The following TRERF1 variants were observed in gnomAD, a reference collection of about 807,000 sequenced individuals.
The protein encoded by TRERF1 is transcriptional regulating factor 1, also known as transcriptional-regulating factor 1.
In TRERF1, 27 loss-of-function variants were observed where a neutral mutation model predicts 122.9. The ratio of observed to expected loss-of-function variants is 0.22; its 90% CI spans 0.16 to 0.30. TRERF1 has a LOEUF of 0.30. Ranked by LOEUF, TRERF1 falls within the 10% of genes least tolerant of loss-of-function variation. The pLI, the probability that TRERF1 is intolerant of heterozygous loss-of-function variation, is 1.00. For missense variants in TRERF1, 1,248 were observed against 1,560.3 expected (o/e 0.80, Z 3.37); for synonymous variants, 636 against 641.7 (o/e 0.99, Z 0.13).
At position 42,305,995 on chromosome 6, in the gene TRERF1, C is replaced by CTTT. The variant is rs55700516; in HGVS notation, c.-370-5249_-370-5247dup. On this transcript the variant is annotated intron_variant, in intron 3 of 17. Transcript: ENST00000372922. ...CCCATTCTCTCTCCAAATATCTCTC[C>CTTT]TTTTTTTTTTTTTTTTTTTTTTTTG... Among the ~76,000 whole-genome samples the CTTT allele has an allele frequency of 2.7e-3, 188 of 69,506 alleles. 3 individuals carry two copies. Among genetic ancestry groups the CTTT allele is most frequent in the Middle Eastern group, 0.016 (1 of 62 alleles). The allele number at this position is 69,506 out of a possible 152,430, so 45.6% of individuals were successfully genotyped here.
rs1410398816 is a variant in TRERF1, at chr6:42,275,416, A to C, written c.-258-5568T>G. On this transcript the variant is annotated intron_variant, in intron 4 of 17. Coordinates refer to ENST00000372922, the Ensembl canonical transcript of TRERF1. This position sits in a 1 kb window ranked among gnomAD's most constrained non-coding sequence, Gnocchi z 4.1. ...ACAAATAAATGCCCACTCAGAACCT[A>C]AGGTGCCACTCCACGCTCCCACAGA... Among the ~76,000 whole-genome samples the C allele has an allele frequency of 6.6e-6, 1 of 152,200 alleles. No homozygotes were observed. Among genetic ancestry groups the C allele is most frequent in the Non-Finnish European group, 1.5e-5 (1 of 68,030 alleles).
At chr6:42,430,859 G>A (rs1784388100) in intron 2 of TRERF1, among the ~76,000 whole-genome samples, 1 of 150,220 alleles carries the variant, frequency 6.7e-6, no homozygotes, top group African/African-American at 2.5e-5. Flanking sequence ...TTGTGCCACT[G>A]CACTCCAGCC....
At chr6:42,246,423 T>G (rs746915419) in intron 14 of TRERF1, 33 bp downstream of exon 14, 1 of 1,472,590 alleles carries the variant, frequency 6.8e-7, no homozygotes, top group Non-Finnish European at 9.3e-7. Context: ...CCAAATTTAA[T>G]TTCAAGGGGG....
At chr6:42,345,874 C>T (rs1196014196) in intron 3 of TRERF1, among the ~76,000 whole-genome samples, 2 of 152,230 alleles carry the variant, frequency 1.3e-5, no homozygotes, top group Non-Finnish European at 2.9e-5. Context: ...CTTACACATC[C>T]CCTGTCACCT....
Position 42,273,577 on chromosome 6 carries a change from G to A in TRERF1, c.-258-3729C>T, listed in dbSNP as rs1398799582. On this transcript the variant is annotated intron_variant, in intron 4 of 17. Transcript: ENST00000372922. ...GGACCAGGAAGGGTATTCCAGACAG[G>A]GAACAGCATAAACAAAGGCATAAAG... Among the ~76,000 whole-genome samples, 11 of 152,286 alleles carry A rather than the reference G, an allele frequency of 7.2e-5. No individual in the cohort carries two copies. In the East Asian group the frequency reaches 1.9e-3, roughly 27 times the overall value.
chr6:42,288,959 G>C (rs939568170), intron 4 of TRERF1, among the ~76,000 whole-genome samples: 19 of 92,028 alleles, frequency 2.1e-4, no homozygotes, highest in Non-Finnish European at 4.3e-4. Context: ...AACTCTGTGT[G>C]TGTGTGTGTG....
chr6:42,314,612 G>A (rs549895618), intron 3 of TRERF1, among the ~76,000 whole-genome samples: 67 of 152,332 alleles, frequency 4.4e-4, no homozygotes, highest in South Asian at 1.0e-3. Flanking sequence ...TATAATTAAA[G>A]TGTATAGTGT....
chr6:42,323,294 G>C (rs987649958), intron 3 of TRERF1, among the ~76,000 whole-genome samples: 1 of 151,602 alleles, frequency 6.6e-6, no homozygotes, highest in Non-Finnish European at 1.5e-5. Flanking sequence ...TGCCTCCTGG[G>C]TTCAAACGAT....
intron 2 of TRERF1, among the ~76,000 whole-genome samples, chr6:42,427,047 G>A (rs1473893206): frequency 1.3e-5 from 2 of 151,674 alleles, no homozygotes; most frequent in Non-Finnish European, 2.9e-5. Context: ...TATAATCTCA[G>A]CCTCCCAAAG....
intron 2 of TRERF1, among the ~76,000 whole-genome samples, chr6:42,445,785 C>T (rs1787407440): frequency 2.0e-5 from 3 of 152,176 alleles, no homozygotes; most frequent in African/African-American, 7.2e-5. Flanking sequence ...GCACCTCCTT[C>T]GCCTCCTCCT....
Position 42,237,445 on chromosome 6 carries a change from G to T in TRERF1, c.2860-1034C>A, listed in dbSNP as rs374902518. On this transcript the variant is annotated intron_variant, in intron 15 of 17. Coordinates refer to ENST00000372922, the Ensembl canonical transcript of TRERF1. ...CTGAGGACCAATCAGCCTCATTTCA[G>T]CTTTTATTTTACAGTTTACAAAGTG... 2.0e-5 allele frequency among the ~76,000 whole-genome samples: 3 copies of T among 152,310 alleles called. 1 individual carries two copies. Among genetic ancestry groups the T allele is most frequent in the Admixed American group, 6.5e-5 (1 of 15,302 alleles).
intron 2 of TRERF1, among the ~76,000 whole-genome samples, chr6:42,417,612 C>T (rs1582107167): frequency 1.3e-5 from 2 of 152,322 alleles, no homozygotes; most frequent in South Asian, 4.1e-4. Flanking sequence ...AACCCACATC[C>T]AGCAAGAGAC....
chr6:42,261,632 C>A (rs909083265), intron 8 of TRERF1, among the ~76,000 whole-genome samples: 11 of 152,162 alleles, frequency 7.2e-5, no homozygotes, highest in African/African-American at 2.4e-4. Flanking sequence ...CTGTCTTCAT[C>A]CCAGCTGGCT....
At position 42,269,196 on chromosome 6, in the gene TRERF1, G is replaced by C; in HGVS notation, c.395C>G (p.Thr132Ser). ...TAAGACACCGCTGGTAAGCTTCTGG[G>C]TCCGGATCTCGCTGGCCTGGGAGTA... The change falls in exon 5 of 18, where the codon ACC becomes AGC. Residue 132 changes from threonine to serine, a missense_variant. Physicochemically the swap from Thr to Ser is moderately conservative, Grantham distance 58. Around this residue, in one of 5 missense-constraint regions of TRERF1, gnomAD observed 946 missense variants for 1,073.0 expected, o/e 0.88. Coordinates refer to ENST00000372922, the Ensembl canonical transcript of TRERF1. The surrounding 1 kb of genome is among the most constrained non-coding windows in gnomAD (Gnocchi z 4.9). 2 of 1,614,222 alleles carry C rather than the reference G, an allele frequency of 1.2e-6. No individual in the cohort carries two copies. The highest frequency in any genetic ancestry group is 1.7e-6 in the Non-Finnish European group (2 of 1,180,040).
At chr6:42,227,216 AT>A (rs1162900976) in exon 18 of TRERF1, 1 of 152,192 alleles carries the variant, frequency 6.6e-6, no homozygotes, top group Admixed American at 6.5e-5. Flanking sequence ...ATCTGAAGCC[AT>A]TTTTGTTGGC....
chr6:42,246,566 A>G (rs781040997), intron 13 of TRERF1, 22 bp from the exon 14 acceptor site: 33 of 1,561,210 alleles, frequency 2.1e-5, no homozygotes, highest in African/African-American at 6.8e-5. Context: ...CACAAACATC[A>G]TAAGAACAGC....
intron 3 of TRERF1, among the ~76,000 whole-genome samples, chr6:42,339,592 G>C (rs960429613): frequency 6.6e-6 from 1 of 152,138 alleles, no homozygotes; most frequent in Admixed American, 6.5e-5. Context: ...TTACTTTTCT[G>C]AGCTAATAAA....
intron 4 of TRERF1, among the ~76,000 whole-genome samples, chr6:42,278,515 T>TA (rs2150018112): frequency 6.6e-6 from 1 of 152,266 alleles, no homozygotes; most frequent in South Asian, 2.1e-4. Context: ...CAACCACACT[T>TA]ACCGCACCTT....
chr6:42,418,305 T>G (rs369295249), intron 2 of TRERF1, among the ~76,000 whole-genome samples: 1 of 145,614 alleles, frequency 6.9e-6, no homozygotes, highest in Non-Finnish European at 1.5e-5. Flanking sequence ...GTTTCGCTCT[T>G]GTAGCCCCAG....
Sources: allele counts gnomAD v4.1 joint callset (sites outside exome capture counted in the v4.1 genomes callset), GRCh38; gene constraint gnomAD v4.1.1; regional missense constraint gnomAD v4.1.1; non-coding constraint Gnocchi (gnomAD v3.1); transcripts MANE v1.5; gene names NCBI Gene and HGNC (gene_info 2026-07-23, HGNC 2026-07-21).